The following NEGR1 variants were observed in gnomAD, a reference collection of about 807,000 sequenced individuals.
The protein encoded by NEGR1 is IgLON family member 4.
A neutral mutation model predicts 40.9 loss-of-function variants in NEGR1; 10 were observed. The ratio of observed to expected loss-of-function variants is 0.24; its 90% CI spans 0.15 to 0.42. The LOEUF is 0.42. Among genes scored for constraint, NEGR1 ranks in the 10% least tolerant of loss-of-function variants. The pLI is 1.00. For missense variants in NEGR1, 352 were observed against 438.9 expected, an observed-to-expected ratio of 0.80 and a Z score of 1.77; for synonymous variants, 185 against 166.8, an observed-to-expected ratio of 1.11 and a Z score of -0.84.
At chr1:71,696,819 C>T (rs941821712) in intron 4 of NEGR1, among the ~76,000 whole-genome samples, 2 of 151,782 alleles carry the variant, frequency 1.3e-5, no homozygotes, top group Non-Finnish European at 2.9e-5. Flanking sequence ...CAGGAGTTTT[C>T]CATTTTTAAT....
In NEGR1 at chr1:71,927,945, G is replaced by GC. The variant is rs1161578374; in HGVS notation, c.409+7133dup. Among the ~76,000 whole-genome samples, 10 of 146,288 alleles carry GC rather than the reference G, an allele frequency of 6.8e-5. No individual in the cohort carries two copies. In the South Asian group the frequency reaches 1.8e-3, roughly 26 times the overall value. On this transcript the variant is annotated intron_variant, in intron 2 of 6. Transcript: ENST00000357731. Reference sequence around the variant, plus strand: ...GCCAGGGAGGTTGAGGCTGCAGTAGGCCAAGACTGAGCCACTACACTTCAG... The same window carrying GC: ...GCCAGGGAGGTTGAGGCTGCAGTAGGCCCAAGACTGAGCCACTACACTTCAG...
chr1:71,530,443 C>T (rs1048437593), intron 6 of NEGR1, among the ~76,000 whole-genome samples: 1 of 151,146 alleles, frequency 6.6e-6, no homozygotes. Flanking sequence ...TCATTTATAC[C>T]GCTCTTTCAA....
chr1:71,880,500 T>A (rs1660553347), intron 2 of NEGR1, among the ~76,000 whole-genome samples: 1 of 152,090 alleles, frequency 6.6e-6, no homozygotes, highest in Admixed American at 6.6e-5. Flanking sequence ...TTGCTCTCTG[T>A]TCAAATTTAA....
intron 2 of NEGR1, among the ~76,000 whole-genome samples, chr1:71,923,354 T>C (rs372448766): frequency 6.8e-5 from 10 of 147,904 alleles, no homozygotes; most frequent in African/African-American, 2.3e-4. Context: ...TGGACAGCGA[T>C]ACACACACAC....
intron 2 of NEGR1, among the ~76,000 whole-genome samples, chr1:71,884,579 G>A (rs983624329): frequency 6.6e-6 from 1 of 152,158 alleles, no homozygotes; most frequent in African/African-American, 2.4e-5. Flanking sequence ...AATATCATAT[G>A]CACCTTTATT....
chr1:71,570,828 T>C (rs942527238), intron 6 of NEGR1: 1 of 151,700 alleles, frequency 6.6e-6, no homozygotes, highest in Admixed American at 6.6e-5. Flanking sequence ...AATGGAGAAT[T>C]TCGCTTGTAG....
At chr1:71,855,565 C>T (rs1659733822) in intron 2 of NEGR1, among the ~76,000 whole-genome samples, 1 of 151,854 alleles carries the variant, frequency 6.6e-6, no homozygotes, top group Non-Finnish European at 1.5e-5. Context: ...CATACCGAGA[C>T]CTGGAAAGTA....
intron 1 of NEGR1, among the ~76,000 whole-genome samples, chr1:72,097,346 A>G (rs1325619911): frequency 6.6e-6 from 1 of 152,188 alleles, no homozygotes; most frequent in African/African-American, 2.4e-5. Context: ...TGATACACAC[A>G]TAAAGTATTA....
intron 2 of NEGR1, among the ~76,000 whole-genome samples, chr1:71,931,617 C>G (rs879087142): frequency 6.6e-6 from 1 of 152,110 alleles, no homozygotes; most frequent in Admixed American, 6.6e-5. Context: ...CTCACAACAA[C>G]TAACCCAATC....
At chr1:72,008,542 T>C (rs1203946803) in intron 1 of NEGR1, among the ~76,000 whole-genome samples, 1 of 152,114 alleles carries the variant, frequency 6.6e-6, no homozygotes. Context: ...AAGAATTAAA[T>C]GAGATAGTCT....
At chr1:72,049,214 G>A (rs1647033933) in intron 1 of NEGR1, among the ~76,000 whole-genome samples, 1 of 151,446 alleles carries the variant, frequency 6.6e-6, no homozygotes. Flanking sequence ...AGTGACATAC[G>A]CCTGTGGTCC....
chr1:72,110,454 G>A (rs1035756027), intron 1 of NEGR1, among the ~76,000 whole-genome samples: 2 of 151,416 alleles, frequency 1.3e-5, no homozygotes, highest in Non-Finnish European at 3.0e-5. Flanking sequence ...GTCTTTCTTA[G>A]GTTTGCCTGT....
intron 1 of NEGR1, among the ~76,000 whole-genome samples, chr1:72,258,421 G>A (rs1444515696): frequency 6.6e-6 from 1 of 152,070 alleles, no homozygotes; most frequent in Non-Finnish European, 1.5e-5. Flanking sequence ...GAAGGGCATT[G>A]TTTCATTAAG....
intron 2 of NEGR1, among the ~76,000 whole-genome samples, chr1:71,856,909 G>T (rs886983096): frequency 6.6e-6 from 1 of 152,002 alleles, no homozygotes; most frequent in Non-Finnish European, 1.5e-5. Flanking sequence ...ATGTTTTCAT[G>T]TATCGTATTT....
intron 6 of NEGR1, among the ~76,000 whole-genome samples, chr1:71,503,098 C>A (rs1388182553): frequency 1.3e-5 from 2 of 152,156 alleles, no homozygotes; most frequent in Non-Finnish European, 2.9e-5. Flanking sequence ...TGCAGGTTTG[C>A]AGGGACTACT....
chr1:71,887,976 C>T (rs1660772663), intron 2 of NEGR1, among the ~76,000 whole-genome samples: 1 of 145,112 alleles, frequency 6.9e-6, no homozygotes, highest in Non-Finnish European at 1.5e-5. Context: ...GCCAGTGGAG[C>T]TCAAACTTTT....
At chr1:71,507,550 T>C (rs990456786) in intron 6 of NEGR1, among the ~76,000 whole-genome samples, 1 of 152,124 alleles carries the variant, frequency 6.6e-6, no homozygotes, top group Admixed American at 6.5e-5. Flanking sequence ...AAACAGGCCA[T>C]GGGAGGAAGA....
chr1:72,012,220 C>A (rs7546373), intron 1 of NEGR1, among the ~76,000 whole-genome samples: 3,473 of 152,154 alleles, frequency 0.023, 120 homozygotes, highest in African/African-American at 0.079. Context: ...TCTTTGTCAA[C>A]AGTCTGCTTT....
At chr1:71,666,524 CA>C (rs1171137468) in intron 4 of NEGR1, among the ~76,000 whole-genome samples, 1 of 152,082 alleles carries the variant, frequency 6.6e-6, no homozygotes, top group African/African-American at 2.4e-5. Context: ...ATAGAATAGG[CA>C]GTGTTTACCT....
Sources: gnomAD v4.1 joint callset for allele counts (sites outside exome capture counted in the v4.1 genomes callset) on GRCh38, gnomAD v4.1.1 for gene constraint, MANE v1.5 for transcripts, NCBI Gene and HGNC (gene_info 2026-07-23, HGNC 2026-07-21) for gene names.